LRRTM4: variants seen among roughly 807,000 people sequenced by gnomAD.
The protein encoded by LRRTM4 is leucine-rich repeat transmembrane neuronal protein 4.
In LRRTM4, 25 loss-of-function variants were observed where a neutral mutation model predicts 47.6. That is an observed-to-expected ratio of 0.53 (90% confidence interval 0.38 to 0.73). LRRTM4 has a LOEUF of 0.73. Ranked by LOEUF, LRRTM4 falls within the 30% of genes least tolerant of loss-of-function variation. The pLI, the probability that LRRTM4 is intolerant of heterozygous loss-of-function variation, is 0.00. For missense variants in LRRTM4, 638 were observed against 713.4 expected, an observed-to-expected ratio of 0.89 and a Z score of 1.20; for synonymous variants, 311 against 269.5, an observed-to-expected ratio of 1.15 and a Z score of -1.51.
chr2:76,760,913 C>A (rs1298324179), intron 3 of LRRTM4, among the ~76,000 whole-genome samples: 1 of 152,186 alleles, frequency 6.6e-6, no homozygotes, highest in Non-Finnish European at 1.5e-5. Context: ...TCCGAAATGC[C>A]TTTAGAGCAG....
chr2:77,170,947 A>G (rs1673031218), intron 3 of LRRTM4, among the ~76,000 whole-genome samples: 1 of 71,484 alleles, frequency 1.4e-5, no homozygotes, highest in South Asian at 4.2e-4. Flanking sequence ...TTTATGTATT[A>G]TATGTATTAT....
chr2:77,436,015 T>A (rs1018756967), intron 3 of LRRTM4, among the ~76,000 whole-genome samples: 6 of 152,168 alleles, frequency 3.9e-5, no homozygotes, highest in Admixed American at 2.0e-4. Context: ...CACATGAGCA[T>A]CCATTCTTAG....
chr2:76,801,310 T>G (rs1414484846), intron 3 of LRRTM4, among the ~76,000 whole-genome samples: 7 of 152,026 alleles, frequency 4.6e-5, no homozygotes, highest in Non-Finnish European at 8.8e-5. Flanking sequence ...GTGGCACATA[T>G]ACACCATGGA....
intron 3 of LRRTM4, among the ~76,000 whole-genome samples, chr2:76,958,216 A>G (rs529720314): frequency 2.0e-5 from 3 of 151,934 alleles, no homozygotes; most frequent in African/African-American, 7.2e-5. Context: ...CCATGTCATC[A>G]TAATAATGCC....
chr2:77,473,364 A>G (rs1424347570), intron 3 of LRRTM4, among the ~76,000 whole-genome samples: 1 of 152,204 alleles, frequency 6.6e-6, no homozygotes. Context: ...TTTTATAACA[A>G]GAAACCATGT....
chr2:76,953,751 G>C (rs1473194243), intron 3 of LRRTM4, among the ~76,000 whole-genome samples: 1 of 151,952 alleles, frequency 6.6e-6, no homozygotes, highest in Non-Finnish European at 1.5e-5. Context: ...GAGGGAAAAA[G>C]TAGAGTAGAA....
chr2:77,361,428 C>T (rs1279234972), intron 3 of LRRTM4, among the ~76,000 whole-genome samples: 9 of 152,090 alleles, frequency 5.9e-5, no homozygotes, highest in Admixed American at 3.9e-4. Flanking sequence ...CTATTTTGAT[C>T]GTCTTCATTC....
chr2:77,066,467 T>G (rs576309824), intron 3 of LRRTM4, among the ~76,000 whole-genome samples: 54 of 152,330 alleles, frequency 3.5e-4, no homozygotes, highest in Middle Eastern at 3.4e-3. Context: ...AATTCATTTT[T>G]AAAGTTCAAG....
chr2:77,006,560 G>A (rs1677658226), intron 3 of LRRTM4, among the ~76,000 whole-genome samples: 1 of 152,062 alleles, frequency 6.6e-6, no homozygotes, highest in African/African-American at 2.4e-5. Context: ...AGGTATAGAG[G>A]GGTAAGAGCT....
At chr2:76,826,364 G>T (rs554498757) in intron 3 of LRRTM4, among the ~76,000 whole-genome samples, 7 of 151,364 alleles carry the variant, frequency 4.6e-5, no homozygotes, top group African/African-American at 1.7e-4. Context: ...TATCAGCTGT[G>T]TAATCTTAAA....
chr2:76,874,585 T>G (rs1411239387), intron 3 of LRRTM4, among the ~76,000 whole-genome samples: 2 of 151,476 alleles, frequency 1.3e-5, no homozygotes, highest in Non-Finnish European at 2.9e-5. Flanking sequence ...TCCTATCACA[T>G]GAAGGGACCA....
chr2:77,305,317 T>C (rs1168266412), intron 3 of LRRTM4, among the ~76,000 whole-genome samples: 2 of 152,208 alleles, frequency 1.3e-5, no homozygotes, highest in Admixed American at 6.5e-5. Flanking sequence ...AAAAATTAAA[T>C]TGCAAATTGT....
At chr2:77,251,899 A>G (rs1254302631) in intron 3 of LRRTM4, among the ~76,000 whole-genome samples, 7 of 152,184 alleles carry the variant, frequency 4.6e-5, no homozygotes, top group African/African-American at 1.7e-4. Context: ...GGTGGTGGTG[A>G]TCACAGGTTG....
At chr2:76,798,125 A>C (rs1019765502) in intron 3 of LRRTM4, among the ~76,000 whole-genome samples, 7 of 152,062 alleles carry the variant, frequency 4.6e-5, no homozygotes, top group South Asian at 4.1e-4. Flanking sequence ...TGAACTCTCC[A>C]CACCAAATCA....
intron 3 of LRRTM4, among the ~76,000 whole-genome samples, chr2:77,448,624 A>T (rs1372803343): frequency 6.6e-6 from 1 of 151,278 alleles, no homozygotes; most frequent in Non-Finnish European, 1.5e-5. Flanking sequence ...CTTTAGGTCC[A>T]TTTTCGCTAT....
intron 3 of LRRTM4, among the ~76,000 whole-genome samples, chr2:77,055,480 C>T (rs1679571712): frequency 6.6e-6 from 1 of 152,156 alleles, no homozygotes; most frequent in South Asian, 2.1e-4. Flanking sequence ...CAAATCAAAA[C>T]CACCATGAGA....
chr2:76,867,779 T>C (rs10174011), intron 3 of LRRTM4, among the ~76,000 whole-genome samples: 1,919 of 152,200 alleles, frequency 0.013, 44 homozygotes, highest in African/African-American at 0.044. Context: ...GAGTTATGAG[T>C]TGTCTGGAAT....
intron 3 of LRRTM4, among the ~76,000 whole-genome samples, chr2:77,310,931 C>CAT (rs1329902938): frequency 6.6e-6 from 1 of 150,806 alleles, no homozygotes; most frequent in Non-Finnish European, 1.5e-5. Flanking sequence ...CATACACACA[C>CAT]ATATATATAG....
chr2:76,965,295 A>G (rs1318301924), intron 3 of LRRTM4, among the ~76,000 whole-genome samples: 5 of 151,290 alleles, frequency 3.3e-5, no homozygotes. Context: ...GATGCAAACA[A>G]TCCTCAACAA....
Sources: gnomAD v4.1 joint callset for allele counts (sites outside exome capture counted in the v4.1 genomes callset) on GRCh38, gnomAD v4.1.1 for gene constraint, MANE v1.5 for transcripts, NCBI Gene and HGNC (gene_info 2026-07-23, HGNC 2026-07-21) for gene names.